HRH1: variants seen among roughly 807,000 people sequenced by gnomAD.
The protein encoded by HRH1 is histamine H1 receptor.
In HRH1, 6 loss-of-function variants were observed where a neutral mutation model predicts 10.3. That is an observed-to-expected ratio of 0.58 (90% CI 0.32 to 1.15). The LOEUF (loss-of-function observed/expected upper bound fraction) is 1.15. HRH1 is among the 50% of genes most tolerant of loss of function. The pLI, the probability that HRH1 is intolerant of heterozygous loss-of-function variation, is 0.05. For synonymous variants in HRH1, 242 were observed against 236.7 expected (o/e 1.02, Z -0.21); for missense variants, 514 against 615.3 (o/e 0.84, Z 1.74).
intron 1 of HRH1, among the ~76,000 whole-genome samples, chr3:11,186,992 G>A (rs898692142): frequency 6.6e-6 from 1 of 152,136 alleles, no homozygotes; most frequent in African/African-American, 2.4e-5. Context: ...AATTCCAGAT[G>A]GATCCAAAAT....
intron 1 of HRH1, among the ~76,000 whole-genome samples, chr3:11,140,896 G>C (rs1402848600): frequency 6.6e-6 from 1 of 152,078 alleles, no homozygotes; most frequent in African/African-American, 2.4e-5. Context: ...TACTGTACAG[G>C]CCCGTGTGTG....
intron 1 of HRH1, among the ~76,000 whole-genome samples, chr3:11,218,318 G>A (rs1938583020): frequency 6.6e-6 from 1 of 151,678 alleles, no homozygotes; most frequent in East Asian, 2.0e-4. Context: ...CGTGGTGGCA[G>A]GTGCCTGTAG....
intron 1 of HRH1, among the ~76,000 whole-genome samples, chr3:11,210,326 C>T (rs924544875): frequency 1.3e-5 from 2 of 151,370 alleles, no homozygotes; most frequent in Non-Finnish European, 2.9e-5. Flanking sequence ...CCCGGGAGGT[C>T]GAGGCTGCCG....
At chr3:11,161,936 A>G (rs1480056790) in intron 1 of HRH1, among the ~76,000 whole-genome samples, 1 of 152,180 alleles carries the variant, frequency 6.6e-6, no homozygotes, top group Non-Finnish European at 1.5e-5. Context: ...CCAATCGAGA[A>G]TGAAGACAAA....
At chr3:11,245,310 G>A (rs1939449934) in intron 1 of HRH1, among the ~76,000 whole-genome samples, 2 of 151,744 alleles carry the variant, frequency 1.3e-5, no homozygotes, top group African/African-American at 4.9e-5. Context: ...CTGAGATCAT[G>A]CCACTGCACT....
chr3:11,170,398 C>T (rs78090349), intron 1 of HRH1, among the ~76,000 whole-genome samples: 1,924 of 152,338 alleles, frequency 0.013, 50 homozygotes, highest in African/African-American at 0.044. Flanking sequence ...TGGATAAGCT[C>T]GCCACATGTT....
At chr3:11,198,678 A>G (rs1365642090) in intron 1 of HRH1, among the ~76,000 whole-genome samples, 6 of 150,846 alleles carry the variant, frequency 4.0e-5, no homozygotes, top group Non-Finnish European at 8.8e-5. Context: ...TCGAGGTTAC[A>G]GTGAGCTATG....
chr3:11,144,475 A>ATAAGTCTATAGG (rs1559249806), intron 1 of HRH1, among the ~76,000 whole-genome samples: 1 of 59,136 alleles, frequency 1.7e-5, no homozygotes, highest in African/African-American at 5.3e-5. Flanking sequence ...ACATATAGAC[A>ATAAGTCTATAGG]TATATATACA....
At position 11,263,540 on chromosome 3, in the gene HRH1, G is replaced by A. The variant is rs1940009107; in HGVS notation, c.*3039G>A. The stretch of plus-strand genomic sequence containing the variant: ...TGTCTCTACTAAAAATAAAAAATTA[G>A]CCAGGGGCTGTGACGCACACCTGCA... On this transcript the variant is annotated 3_prime_UTR_variant, in exon 2 of 2. Transcript: ENST00000431010. The A allele has an allele frequency of 6.5e-6, 1 of 153,122 alleles. No individual in the cohort carries two copies. Among genetic ancestry groups the A allele is most frequent in the African/African-American group, 2.4e-5 (1 of 41,408 alleles). 9.5% of individuals were successfully genotyped at this position (153,122 alleles called of 1,614,324 possible).
rs1937095960 is a variant in HRH1, at chr3:11,168,708, T to A, written c.-36+14154T>A. On this transcript the variant is annotated intron_variant, in intron 1 of 1. Coordinates refer to ENST00000431010, the MANE Select transcript of HRH1 (RefSeq NM_001098212.2). ...CTGGCACAAAGCAGACACACAATGA[T>A]GAGAGGTACTCCTGCTGTGAGGAAC... 2.0e-5 allele frequency among the ~76,000 whole-genome samples: 3 copies of A among 152,206 alleles called. No individual in the cohort carries two copies. The South Asian group carries it at 6.2e-4, about 31-fold the overall frequency.
intron 1 of HRH1, among the ~76,000 whole-genome samples, chr3:11,254,443 A>C (rs1559287086): frequency 3.3e-5 from 5 of 152,232 alleles, no homozygotes. Context: ...TCTTACTCAC[A>C]CACTTTCAAC....
chr3:11,192,184 C>G (rs1937549683), intron 1 of HRH1, among the ~76,000 whole-genome samples: 1 of 152,194 alleles, frequency 6.6e-6, no homozygotes, highest in Admixed American at 6.5e-5. Flanking sequence ...GTATGCACAG[C>G]TGGGTGAATT....
intron 1 of HRH1, among the ~76,000 whole-genome samples, chr3:11,198,600 G>A (rs773057149): frequency 2.0e-5 from 3 of 151,962 alleles, no homozygotes; most frequent in Non-Finnish European, 2.9e-5. Flanking sequence ...GACTGGGCAC[G>A]GTAGTTCACT....
At chr3:11,258,242 C>CAAAAAAAAAAAAAAAAAAAAAAACAAAAA (rs33992856) in intron 1 of HRH1, among the ~76,000 whole-genome samples, 1 of 76,404 alleles carries the variant, frequency 1.3e-5, no homozygotes, top group Non-Finnish European at 2.4e-5. Flanking sequence ...TGATGTAAGC[C>CAAAAAAAAAAAAAAAAAAAAAAACAAAAA]AAAAAAAAAA....
chr3:11,223,406 G>A (rs1160964989), intron 1 of HRH1, among the ~76,000 whole-genome samples: 1 of 152,100 alleles, frequency 6.6e-6, no homozygotes, highest in Non-Finnish European at 1.5e-5. Context: ...GGCTGAGGCA[G>A]GAGCATGGTG....
At chr3:11,222,796 A>T (rs1332155408) in intron 1 of HRH1, among the ~76,000 whole-genome samples, 2 of 152,070 alleles carry the variant, frequency 1.3e-5, no homozygotes, top group East Asian at 3.9e-4. Flanking sequence ...CCCACTCCTA[A>T]TCAAGGCCCT....
chr3:11,249,013 C>T (rs1041117065), intron 1 of HRH1, among the ~76,000 whole-genome samples: 2 of 152,194 alleles, frequency 1.3e-5, no homozygotes, highest in South Asian at 4.2e-4. Flanking sequence ...TATCCTGTTT[C>T]AATAGCTAGA....
At chr3:11,162,353 G>A (rs1936943322) in intron 1 of HRH1, among the ~76,000 whole-genome samples, 1 of 151,844 alleles carries the variant, frequency 6.6e-6, no homozygotes, top group Non-Finnish European at 1.5e-5. Flanking sequence ...CCTCTCCTTG[G>A]TGGGGGAGTG....
At chr3:11,172,158 C>G (rs899294189) in intron 1 of HRH1, among the ~76,000 whole-genome samples, 1 of 152,204 alleles carries the variant, frequency 6.6e-6, no homozygotes, top group Admixed American at 6.5e-5. Flanking sequence ...TGCTGGGGCA[C>G]TACAGAGCCA....
Sources: allele counts gnomAD v4.1 joint callset (sites outside exome capture counted in the v4.1 genomes callset), GRCh38; gene constraint gnomAD v4.1.1; transcripts MANE v1.5; gene names NCBI Gene and HGNC (gene_info 2026-07-23, HGNC 2026-07-21).